GRM7: variants seen among roughly 807,000 people sequenced by gnomAD.
GRM7 encodes the protein metabotropic glutamate receptor 7.
A neutral mutation model predicts 84.5 loss-of-function variants in GRM7; 35 were observed. The ratio of observed to expected loss-of-function variants is 0.41; its 90% confidence interval spans 0.32 to 0.55. The LOEUF (loss-of-function observed/expected upper bound fraction) is 0.55. Among genes scored for constraint, GRM7 ranks in the 20% least tolerant of loss-of-function variants. The pLI, the probability that GRM7 is intolerant of heterozygous loss-of-function variation, is 0.19. For synonymous variants in GRM7, 487 were observed against 455.1 expected (o/e 1.07, Z -0.89); for missense variants, 1,003 against 1,194.6 (o/e 0.84, Z 2.36).
intron 2 of GRM7, among the ~76,000 whole-genome samples, chr3:7,169,445 C>T (rs1694912318): frequency 6.6e-6 from 1 of 152,028 alleles, no homozygotes; most frequent in Non-Finnish European, 1.5e-5. Flanking sequence ...CATCATGGGA[C>T]TCACATAAAT....
chr3:7,151,125 T>A lies in GRM7; in HGVS notation c.736+4457T>A, dbSNP rs1327951713. 6.7e-6 allele frequency among the ~76,000 whole-genome samples: 1 copy of A among 150,104 alleles called. No homozygotes were observed. ...TATTCAGATAAACTCTAGAATTTAT[T>A]TTTAATTAATACTTTATCATAGCCT... On this transcript the variant is annotated intron_variant, in intron 2 of 9. Transcript: ENST00000357716. This position sits in a 1 kb window ranked among gnomAD's most constrained non-coding sequence, Gnocchi z 4.5.
intron 8 of GRM7, among the ~76,000 whole-genome samples, chr3:7,634,411 C>T (rs898186728): frequency 4.3e-5 from 6 of 141,060 alleles, no homozygotes; most frequent in African/African-American, 1.4e-4. Flanking sequence ...AAAGCGTATA[C>T]CATTAAACAC....
At chr3:6,963,822 C>G (rs1439214673) in intron 1 of GRM7, among the ~76,000 whole-genome samples, 1 of 152,158 alleles carries the variant, frequency 6.6e-6, no homozygotes, top group Admixed American at 6.5e-5. Context: ...TAAGGATACT[C>G]TCAGTATGAG....
intron 4 of GRM7, among the ~76,000 whole-genome samples, chr3:7,404,136 A>C (rs1031990013): frequency 6.6e-6 from 1 of 152,126 alleles, no homozygotes; most frequent in Non-Finnish European, 1.5e-5. Flanking sequence ...CAGGGTGTAA[A>C]CTGTTGTAAA....
chr3:7,149,331 A>G (rs529413226), intron 2 of GRM7, among the ~76,000 whole-genome samples: 1 of 152,284 alleles, frequency 6.6e-6, no homozygotes, highest in South Asian at 2.1e-4. Flanking sequence ...GCTGCTGCAA[A>G]GGTGATTCTG....
At chr3:7,331,231 G>T (rs1701196898) in intron 4 of GRM7, among the ~76,000 whole-genome samples, 1 of 152,132 alleles carries the variant, frequency 6.6e-6, no homozygotes, top group Admixed American at 6.6e-5. Context: ...ATAAAGAGGA[G>T]GCATGAAGGC....
At chr3:7,438,832 C>A (rs1006886957) in intron 5 of GRM7, among the ~76,000 whole-genome samples, 1 of 152,046 alleles carries the variant, frequency 6.6e-6, no homozygotes, top group Non-Finnish European at 1.5e-5. Flanking sequence ...GGGACACACA[C>A]AATATATACA....
At chr3:7,713,702 CA>C (rs775644071) in intron 9 of GRM7, among the ~76,000 whole-genome samples, 1 of 148,976 alleles carries the variant, frequency 6.7e-6, no homozygotes, top group East Asian at 2.0e-4. Flanking sequence ...TGCATGTTAA[CA>C]GCATAATAAT....
intron 2 of GRM7, among the ~76,000 whole-genome samples, chr3:7,229,840 T>TG (rs1697132190): frequency 2.8e-5 from 1 of 35,104 alleles, no homozygotes; most frequent in African/African-American, 2.5e-4. Context: ...TTCCATCTTC[T>TG]TTTTTTTTTT....
chr3:7,591,548 A>T (rs1695781702), intron 8 of GRM7: 1 of 414,378 alleles, frequency 2.4e-6, no homozygotes, highest in Non-Finnish European at 4.7e-6. Context: ...AAAGGGGAGA[A>T]ATTAGAAACT....
chr3:7,531,758 A>G (rs1478323120), intron 7 of GRM7, among the ~76,000 whole-genome samples: 1 of 152,144 alleles, frequency 6.6e-6, no homozygotes, highest in Admixed American at 6.5e-5. Flanking sequence ...AACAGAGACA[A>G]TTTGACTTCC....
At chr3:7,480,538 T>C (rs1575399453) in intron 7 of GRM7, among the ~76,000 whole-genome samples, 1 of 152,228 alleles carries the variant, frequency 6.6e-6, no homozygotes, top group Non-Finnish European at 1.5e-5. Context: ...CCCACCAGTG[T>C]GTTTAAACAT....
At chr3:7,428,720 C>A (rs1696709869) in intron 5 of GRM7, among the ~76,000 whole-genome samples, 1 of 152,104 alleles carries the variant, frequency 6.6e-6, no homozygotes, top group Non-Finnish European at 1.5e-5. Context: ...GGAGAACTTA[C>A]AATGCTAGCA....
chr3:7,433,172 C>G (rs1175869801), intron 5 of GRM7, among the ~76,000 whole-genome samples: 2 of 152,156 alleles, frequency 1.3e-5, no homozygotes, highest in Non-Finnish European at 2.9e-5. Flanking sequence ...TTCCAGTTCA[C>G]TGGAATCATT....
chr3:7,550,641 A>T (rs1693423789), intron 7 of GRM7, among the ~76,000 whole-genome samples: 1 of 136,270 alleles, frequency 7.3e-6, no homozygotes, highest in Admixed American at 8.1e-5. Flanking sequence ...CACCACACTG[A>T]GGCCTCCTCA....
At chr3:7,493,742 T>G (rs1158122468) in intron 7 of GRM7, among the ~76,000 whole-genome samples, 1 of 152,070 alleles carries the variant, frequency 6.6e-6, no homozygotes, top group Non-Finnish European at 1.5e-5. Context: ...CTCTGGTACT[T>G]GCTCTTTTGT....
chr3:7,019,473 A>G (rs1695694151), intron 1 of GRM7, among the ~76,000 whole-genome samples: 1 of 152,198 alleles, frequency 6.6e-6, no homozygotes. Flanking sequence ...CTAAATCCAA[A>G]CAAATAAAAT....
At chr3:7,433,260 G>A (rs909480323) in intron 5 of GRM7, among the ~76,000 whole-genome samples, 9 of 152,196 alleles carry the variant, frequency 5.9e-5, no homozygotes, top group African/African-American at 2.2e-4. Flanking sequence ...GTGCACCCAT[G>A]GAAAACATTG....
intron 1 of GRM7, among the ~76,000 whole-genome samples, chr3:6,906,638 G>A (rs527267449): frequency 6.6e-6 from 1 of 152,068 alleles, no homozygotes; most frequent in East Asian, 1.9e-4. Flanking sequence ...ATGCACTGAG[G>A]ATGTTCAGAA....
Sources: gnomAD v4.1 joint callset for allele counts (sites outside exome capture counted in the v4.1 genomes callset) on GRCh38, gnomAD v4.1.1 for gene constraint, Gnocchi (gnomAD v3.1) non-coding constraint, MANE v1.5 for transcripts, NCBI Gene and HGNC (gene_info 2026-07-23, HGNC 2026-07-21) for gene names.